RANGAP1: variants seen among roughly 807,000 people sequenced by gnomAD.
RANGAP1 encodes the protein Ran GTPase activating protein 1.
RANGAP1 carries 38 observed loss-of-function variants against 63.5 expected under a neutral mutation model. That is an observed-to-expected ratio of 0.60 (90% confidence interval 0.46 to 0.78). The LOEUF (loss-of-function observed/expected upper bound fraction) is 0.78. Among genes scored for constraint, RANGAP1 ranks in the 30% least tolerant of loss-of-function variants. The pLI is 0.00. For synonymous variants in RANGAP1, 329 were observed against 310.5 expected (o/e 1.06, Z -0.63); for missense variants, 630 against 740.3 (o/e 0.85, Z 1.73).
chr22:41,256,359 C>T, intron 8 of RANGAP1, 69 bp from the exon 9 acceptor site: 2 of 1,480,250 alleles, frequency 1.4e-6, no homozygotes, highest in South Asian at 1.2e-5. Flanking sequence ...TACTCTAAGC[C>T]TCAGTTTCCC....
At chr22:41,271,130 C>T (rs1196716732) in intron 3 of RANGAP1, among the ~76,000 whole-genome samples, 2 of 151,762 alleles carry the variant, frequency 1.3e-5, no homozygotes, top group African/African-American at 2.4e-5. Flanking sequence ...TGGCTCACGC[C>T]GATAATTCCA....
At chr22:41,280,868 G>GT (rs1446803563) in intron 2 of RANGAP1, 65 bp downstream of exon 2, 1 of 1,605,028 alleles carries the variant, frequency 6.2e-7, no homozygotes, top group Non-Finnish European at 8.5e-7. Flanking sequence ...CTGACAACCA[G>GT]TAAGAGTTCA....
chr22:41,250,763 G>C (rs1895696966), intron 13 of RANGAP1, among the ~76,000 whole-genome samples: 1 of 152,146 alleles, frequency 6.6e-6, no homozygotes, highest in Non-Finnish European at 1.5e-5. Context: ...GCGGGCTATG[G>C]GTTCTAACTG....
At position 41,257,285 on chromosome 22, in the gene RANGAP1, G is replaced by A. The variant is rs1242602498; in HGVS notation, c.775-461C>T. On this transcript the variant is annotated intron_variant, in intron 7 of 15. Coordinates refer to ENST00000356244, the MANE Select transcript of RANGAP1 (RefSeq NM_002883.4). This position sits in a 1 kb window ranked among gnomAD's most constrained non-coding sequence, Gnocchi z 4.0. ...CAGGCAGCCGGACTAGCCTTCTGTG[G>A]GGCCACGGGACCCTGGCAGCCAAGA... Among the ~76,000 whole-genome samples the A allele has an allele frequency of 2.0e-5, 3 of 152,142 alleles. No individual in the cohort carries two copies. In the East Asian group the frequency reaches 5.8e-4, roughly 29 times the overall value.
At position 41,280,850 on chromosome 22, in the gene RANGAP1, G is replaced by C. The variant is rs1010684650; in HGVS notation, c.112+83C>G. 1.8e-5 allele frequency: 29 copies of C among 1,588,898 alleles called. No homozygotes were observed. In the East Asian group the frequency reaches 6.3e-4, roughly 34 times the overall value. On this transcript the variant is annotated intron_variant, in intron 2 of 15. Coordinates refer to ENST00000356244, the MANE Select transcript of RANGAP1 (RefSeq NM_002883.4). ...GACAAATAATGGAGACAATGTAGCA[G>C]AAAGAGCCTGACAACCAGTAAGAGT...
intron 4 of RANGAP1, 34 bp from the exon 5 acceptor site, chr22:41,264,877 GA>G: frequency 6.3e-7 from 1 of 1,576,428 alleles, no homozygotes; most frequent in Non-Finnish European, 8.7e-7. Context: ...CAGTTTCATA[GA>G]CACCCAGCTT....
chr22:41,292,451 T>TC, the RANGAP1 span, among the ~76,000 whole-genome samples: 1 of 151,102 alleles, frequency 6.6e-6, no homozygotes, highest in Non-Finnish European at 1.5e-5. Context: ...CACCTGGCCT[T>TC]CATCTTCTCT....
intron 2 of RANGAP1, among the ~76,000 whole-genome samples, chr22:41,275,417 G>A (rs1381531947): frequency 6.6e-6 from 1 of 151,884 alleles, no homozygotes; most frequent in Admixed American, 6.6e-5. Context: ...TCTTGAACCT[G>A]GGAGGAGGAG....
chr22:41,293,183 C>T, the RANGAP1 span, among the ~76,000 whole-genome samples: 4 of 150,002 alleles, frequency 2.7e-5, no homozygotes, highest in African/African-American at 4.9e-5. Context: ...TGTAGTGAGC[C>T]GAGATCGCGC....
intron 8 of RANGAP1, 142 bp downstream of exon 8, chr22:41,256,569 T>A: frequency 1.4e-6 from 1 of 719,340 alleles, no homozygotes. Flanking sequence ...GTGTGGAGGC[T>A]CACACAGCAT....
intron 4 of RANGAP1, among the ~76,000 whole-genome samples, chr22:41,266,275 T>G (rs2034473251): frequency 1.0e-5 from 1 of 95,514 alleles, no homozygotes; most frequent in African/African-American, 3.9e-5. Context: ...ACCCTGTGCC[T>G]ACTCCACCAC....
chr22:41,252,949 A>G lies in RANGAP1; in HGVS notation c.1303T>C (p.Ser435Pro). ...VLSSPPPADVSTFLAFPSPEK... is the reference protein window; with the variant it reads ...VLSSPPPADVPTFLAFPSPEK... Reference sequence around the variant, plus strand: ...GGAGAGGGAAAAGCCAGGAAGGTGGAGACGTCTGCAGGAGGTGGGGAGGAC... The same window carrying G: ...GGAGAGGGAAAAGCCAGGAAGGTGGGGACGTCTGCAGGAGGTGGGGAGGAC... The change falls in exon 12 of 16, where the codon TCC becomes CCC. Residue 435 changes from serine to proline, a missense_variant. Ser to Pro is a moderately conservative substitution (Grantham distance 74). Around this residue, in one of 3 missense-constraint regions of RANGAP1, gnomAD observed 428 missense variants for 465.5 expected, o/e 0.92. Coordinates refer to ENST00000356244, the MANE Select transcript of RANGAP1 (RefSeq NM_002883.4). 6.5e-7 allele frequency: 1 copy of G among 1,547,132 alleles called. No individual in the cohort carries two copies. Among genetic ancestry groups the G allele is most frequent in the Non-Finnish European group, 8.7e-7 (1 of 1,149,502 alleles).
the RANGAP1 span, among the ~76,000 whole-genome samples, chr22:41,294,625 G>A: frequency 2.8e-5 from 4 of 145,236 alleles, no homozygotes; most frequent in Non-Finnish European, 6.1e-5. Flanking sequence ...CTTCCCGGCC[G>A]CCATCCCATC....
At chr22:41,279,332 T>C (rs908602614) in intron 2 of RANGAP1, among the ~76,000 whole-genome samples, 2 of 151,868 alleles carry the variant, frequency 1.3e-5, no homozygotes, top group African/African-American at 4.8e-5. Context: ...TAGCGGAGCA[T>C]GGTGGTGGGT....
At chr22:41,284,001 T>G (rs1216097047) in intron 1 of RANGAP1, among the ~76,000 whole-genome samples, 1 of 152,076 alleles carries the variant, frequency 6.6e-6, no homozygotes, top group Non-Finnish European at 1.5e-5. Context: ...ATAATCCTAG[T>G]ACTTTGGGAG....
the RANGAP1 span, among the ~76,000 whole-genome samples, chr22:41,291,711 A>C: frequency 1.3e-5 from 2 of 151,808 alleles, no homozygotes; most frequent in East Asian, 3.9e-4. Flanking sequence ...ATCCTGGCTA[A>C]CACGGTGAAA....
Position 41,256,701 on chromosome 22 carries a change from A to G in RANGAP1, c.888+10T>C, listed in dbSNP as rs1414337919. On this transcript the variant is annotated intron_variant, in intron 8 of 15. Transcript: ENST00000356244. ...CCCAGAGGGAGGACGTCAGGCGTCC[A>G]GGCTGGCACCTTTAGCTTGGGCAGG... 1.2e-6 allele frequency: 2 copies of G among 1,612,258 alleles called. No individual in the cohort carries two copies. Among genetic ancestry groups the G allele is most frequent in the Non-Finnish European group, 1.7e-6 (2 of 1,178,884 alleles).
At chr22:41,259,025 G>A (rs1853470442) in intron 6 of RANGAP1, among the ~76,000 whole-genome samples, 1 of 151,926 alleles carries the variant, frequency 6.6e-6, no homozygotes, top group African/African-American at 2.4e-5. Context: ...TCCTCTCCCA[G>A]GAAGGCTTCC....
chr22:41,272,439 A>T (rs1256839850), intron 3 of RANGAP1, among the ~76,000 whole-genome samples: 2 of 151,666 alleles, frequency 1.3e-5, no homozygotes, highest in African/African-American at 4.8e-5. Flanking sequence ...CCAGTCCCAT[A>T]TTCCTCCTCC....
Sources: gnomAD v4.1 joint callset for allele counts (sites outside exome capture counted in the v4.1 genomes callset) on GRCh38, gnomAD v4.1.1 for gene constraint, gnomAD v4.1.1 regional missense constraint, Gnocchi (gnomAD v3.1) non-coding constraint, MANE v1.5 for transcripts, NCBI Gene and HGNC (gene_info 2026-07-23, HGNC 2026-07-21) for gene names.